Variants in CPZ observed in about 807,000 individuals in gnomAD.
The protein encoded by CPZ is carboxypeptidase Z.
CPZ carries 103 observed loss-of-function variants against 61.8 expected under a neutral mutation model. The ratio of observed to expected loss-of-function variants is 1.67; its 90% confidence interval spans 1.42 to 1.96. The LOEUF (loss-of-function observed/expected upper bound fraction) is 1.96. CPZ is among the 30% of genes most tolerant of loss of function. The pLI, the probability that CPZ is intolerant of heterozygous loss-of-function variation, is 0.00. For synonymous variants in CPZ, 551 were observed against 373.7 expected (o/e 1.47, Z -5.47); for missense variants, 1,461 against 914.9 (o/e 1.60, Z -7.70).
intron 9 of CPZ, among the ~76,000 whole-genome samples, chr4:8,617,670 C>T (rs909170976): frequency 3.9e-5 from 6 of 152,090 alleles, no homozygotes; most frequent in Admixed American, 2.0e-4. Flanking sequence ...GTGCAGGGCC[C>T]GGGCAGGGGG....
Position 8,619,219 on chromosome 4 carries a change from C to A in CPZ, c.1604-43C>A, listed in dbSNP as rs762586049. 15 of 1,532,904 alleles carry A rather than the reference C, an allele frequency of 9.8e-6. No homozygotes were observed. In the Admixed American group the frequency reaches 2.8e-4, roughly 28 times the overall value. 95.0% of individuals were successfully genotyped at this position (1,532,904 alleles called of 1,614,324 possible). A position where few individuals can be genotyped will look rare whatever the true frequency, so the allele number is the denominator to read the frequency against. On this transcript the variant is annotated intron_variant, in intron 10 of 10. Coordinates refer to ENST00000360986, the MANE Select transcript of CPZ (RefSeq NM_001014447.3). Reference sequence around the variant, plus strand: ...ATCACCCATCACCCCGTGGCTGGGTCTGCAGTCCTCGTGAGAATCATTTTT... The same window carrying A: ...ATCACCCATCACCCCGTGGCTGGGTATGCAGTCCTCGTGAGAATCATTTTT...
intron 4 of CPZ, among the ~76,000 whole-genome samples, chr4:8,605,571 C>T (rs954331674): frequency 2.5e-5 from 3 of 119,626 alleles, no homozygotes; most frequent in South Asian, 2.9e-4. Context: ...ATATATCTAT[C>T]CATCCAGCCA....
chr4:8,617,620 G>C (rs1450653877), intron 9 of CPZ, among the ~76,000 whole-genome samples: 1 of 152,220 alleles, frequency 6.6e-6, no homozygotes, highest in Admixed American at 6.5e-5. Flanking sequence ...GGGCCTGGCT[G>C]GGAGCCCTTT....
intron 7 of CPZ, chr4:8,611,031 CTCTT>C (rs1715617520): frequency 5.5e-6 from 2 of 365,294 alleles, no homozygotes; most frequent in Non-Finnish European, 5.7e-6. Flanking sequence ...CATTCCCTCA[CTCTT>C]TCACTTGCTC....
chr4:8,602,970 T>G (rs1421488018), intron 3 of CPZ: 1 of 152,246 alleles, frequency 6.6e-6, no homozygotes, highest in Admixed American at 6.5e-5. Context: ...GTAGAGGTGG[T>G]GGAGCTGCCT....
intron 9 of CPZ, among the ~76,000 whole-genome samples, chr4:8,615,529 G>A (rs375719374): frequency 1.7e-4 from 26 of 152,344 alleles, no homozygotes; most frequent in African/African-American, 6.0e-4. Context: ...AGGTGAGGGC[G>A]CAGCACCGTA....
intron 4 of CPZ, among the ~76,000 whole-genome samples, chr4:8,604,455 C>T (rs185483391): frequency 2.0e-4 from 30 of 152,342 alleles, no homozygotes; most frequent in African/African-American, 6.3e-4. Context: ...GATCTAGTGG[C>T]TGAAAAGATA....
intron 4 of CPZ, among the ~76,000 whole-genome samples, chr4:8,605,348 ATTTAT>A (rs1373782114): frequency 3.0e-5 from 4 of 132,228 alleles, no homozygotes; most frequent in African/African-American, 3.7e-5. Context: ...CCATCCATCC[ATTTAT>A]TCATTCAGCC....
In CPZ at chr4:8,601,446, T is replaced by G; in HGVS notation, c.445T>G (p.Tyr149Asp). The G allele has an allele frequency of 6.5e-7, 1 of 1,544,802 alleles. No individual in the cohort carries two copies. The highest frequency in any genetic ancestry group is 1.7e-4 in the Middle Eastern group (1 of 5,894). ...AWPYFLDCHR[Y>D]FTREDEGCYD... ...GCCCTACTTCCTTGACTGCCACCGC[T>G]ACTTCACGAGAGAGGACGAGGGCTG... The change falls in exon 3 of 11, where the codon TAC (tyrosine) becomes GAC (aspartate). Residue 149 changes from tyrosine (Y) to aspartate (D), a missense_variant. Transcript: ENST00000360986.
intron 7 of CPZ, chr4:8,611,021 CATTCCCTCACTCTTTCACTT>C (rs1374038167): frequency 9.1e-6 from 3 of 331,398 alleles, no homozygotes; most frequent in South Asian, 2.1e-5. Context: ...CTCATTCACT[CATTCCCTCACTCTTTCACTT>C]GCTCACGCAT....
Position 8,606,879 on chromosome 4 carries a change from A to C in CPZ, c.1049A>C (p.Gln350Pro), listed in dbSNP as rs888118523. 1 of 1,612,284 alleles carries C rather than the reference A, an allele frequency of 6.2e-7. No homozygotes were observed. Among genetic ancestry groups the C allele is most frequent in the Non-Finnish European group, 8.5e-7 (1 of 1,179,436 alleles). Residue 350 changes from glutamine (Q) to proline (P), a missense_variant, in exon 6 of 11, where the codon CAG (glutamine) becomes CCG (proline). Transcript: ENST00000360986. ...CGCAGCGACCACATCCCCATCCCCC[A>C]GCACTACTGGTGGGGTAAGGTAGGA... ...GARSDHIPIP[Q>P]HYWWGKVAPE...
rs950448874 is a variant in CPZ, at chr4:8,611,333, G to C, written c.1228-694G>C. Reference sequence around the variant, plus strand: ...AAGGAGGATCTGTGGACTCTGCCTGGGGGATGGGCACAATGCGGGGAAGCT... The same window carrying C: ...AAGGAGGATCTGTGGACTCTGCCTGCGGGATGGGCACAATGCGGGGAAGCT... On this transcript the variant is annotated intron_variant, in intron 7 of 10. Coordinates refer to ENST00000360986, the MANE Select transcript of CPZ (RefSeq NM_001014447.3). The C allele has an allele frequency of 1.1e-4, 49 of 450,720 alleles. 1 individual carries two copies. Among genetic ancestry groups the C allele is most frequent in the Admixed American group, 2.8e-4 (12 of 42,488 alleles). The allele number at this position is 450,720 out of a possible 1,614,324, so 27.9% of individuals were successfully genotyped here.
chr4:8,610,913 A>C (rs575933621), intron 7 of CPZ, among the ~76,000 whole-genome samples: 16 of 152,286 alleles, frequency 1.1e-4, no homozygotes, highest in African/African-American at 3.8e-4. Context: ...CACGTCTGGG[A>C]GTCCGAGTCT....
At chr4:8,605,845 T>TCATTA in intron 4 of CPZ, 144 bp from the exon 5 acceptor site, 1 of 757,618 alleles carries the variant, frequency 1.3e-6, no homozygotes, top group Non-Finnish European at 2.1e-6. Context: ...TGATGAGACC[T>TCATTA]CATTATATAC....
chr4:8,612,309 A>T (rs988303698), intron 8 of CPZ, 147 bp downstream of exon 8: 10 of 702,828 alleles, frequency 1.4e-5, no homozygotes, highest in Non-Finnish European at 2.2e-5. Flanking sequence ...GGTGGAGAGG[A>T]GGCTGGCGTG....
intron 7 of CPZ, 33 bp downstream of exon 7, chr4:8,607,458 G>A (rs1041230220): frequency 1.2e-5 from 20 of 1,608,074 alleles, no homozygotes; most frequent in Middle Eastern, 3.3e-4. Flanking sequence ...GCAGGGGAGG[G>A]AGACAGTGTG....
chr4:8,615,126 TG>T (rs1716054444), intron 9 of CPZ, among the ~76,000 whole-genome samples: 3 of 151,796 alleles, frequency 2.0e-5, no homozygotes, highest in Non-Finnish European at 4.4e-5. Flanking sequence ...TGGCAGAGGC[TG>T]GGGGCGGGGC....
At chr4:8,605,936 T>A (rs1245018554) in intron 4 of CPZ, 53 bp from the exon 5 acceptor site, 3 of 1,571,636 alleles carry the variant, frequency 1.9e-6, no homozygotes, top group Non-Finnish European at 2.6e-6. Context: ...CCTCATGCCT[T>A]TGGGGACCCC....
intron 8 of CPZ, among the ~76,000 whole-genome samples, chr4:8,613,191 G>C (rs113137074): frequency 6.6e-6 from 1 of 151,464 alleles, no homozygotes; most frequent in African/African-American, 2.4e-5. Flanking sequence ...GAGCACAGTG[G>C]TGCGATCGCA....
Sources: gnomAD v4.1 joint callset for allele counts (sites outside exome capture counted in the v4.1 genomes callset) on GRCh38, gnomAD v4.1.1 for gene constraint, MANE v1.5 for transcripts, NCBI Gene and HGNC (gene_info 2026-07-23, HGNC 2026-07-21) for gene names.